The following FSD1 variants were observed in gnomAD, a reference collection of about 807,000 sequenced individuals.
FSD1 encodes the protein fibronectin type III and SPRY domain-containing protein 1.
Under a neutral mutation model 58.2 loss-of-function variants are expected in FSD1, and 23 were observed. The observed-to-expected ratio is 0.40, with a 90% confidence interval of 0.28 to 0.56. FSD1 has a LOEUF of 0.56. FSD1 is among the 20% of genes least tolerant of loss of function. The pLI is 0.54. For missense variants in FSD1, 563 were observed against 670.8 expected, an observed-to-expected ratio of 0.84 and a Z score of 1.78; for synonymous variants, 265 against 263.4, an observed-to-expected ratio of 1.01 and a Z score of -0.06.
chr19:4,308,092 T>G, intron 4 of FSD1, 109 bp downstream of exon 4: 1 of 826,798 alleles, frequency 1.2e-6, no homozygotes, highest in Non-Finnish European at 1.9e-6. Flanking sequence ...ATGCGATAGT[T>G]GGCAAAAGTA....
chr19:4,310,431 C>T, intron 5 of FSD1, 44 bp from the exon 6 acceptor site: 1 of 1,604,234 alleles, frequency 6.2e-7, no homozygotes. Flanking sequence ...CACGGATGAC[C>T]AGGCCTGGTC....
intron 7 of FSD1, among the ~76,000 whole-genome samples, chr19:4,314,720 C>G (rs141443204): frequency 6.6e-6 from 1 of 152,326 alleles, no homozygotes; most frequent in Non-Finnish European, 1.5e-5. Flanking sequence ...CTCCTGACCT[C>G]AGGTGATCCG....
intron 8 of FSD1, among the ~76,000 whole-genome samples, chr19:4,317,713 A>C (rs1180840430): frequency 2.0e-5 from 3 of 152,184 alleles, no homozygotes; most frequent in Admixed American, 2.0e-4. Flanking sequence ...AGGGTAGTGC[A>C]ATTGGCTTGA....
chr19:4,310,162 T>C (rs991488762), intron 4 of FSD1, 111 bp from the exon 5 acceptor site: 4 of 1,173,700 alleles, frequency 3.4e-6, no homozygotes, highest in Middle Eastern at 4.4e-4. Context: ...GAGGTGGAGG[T>C]TGCAGTGAGC....
intron 1 of FSD1, among the ~76,000 whole-genome samples, chr19:4,305,407 A>G (rs1971607478): frequency 6.6e-6 from 1 of 151,134 alleles, no homozygotes; most frequent in African/African-American, 2.4e-5. Context: ...TTCCACCGAG[A>G]ACCCTTTCCC....
chr19:4,322,930 T>G, intron 10 of FSD1, 56 bp from the exon 11 acceptor site: 1 of 1,551,850 alleles, frequency 6.4e-7, no homozygotes, highest in Non-Finnish European at 8.7e-7. Flanking sequence ...TGGAAGGGCA[T>G]CTGTGGCCCA....
At chr19:4,322,963 A>AC in intron 10 of FSD1, 23 bp from the exon 11 acceptor site, 1 of 1,596,844 alleles carries the variant, frequency 6.3e-7, no homozygotes, top group East Asian at 2.3e-5. Context: ...TCCCCTGCCC[A>AC]CCCCTCCTGC....
In FSD1 at chr19:4,310,454, C is replaced by G. The variant is rs376561346; in HGVS notation, c.369-21C>G. ...ACCAGGCCTGGTCCCCCACGCAACG[C>G]CTGCCACCTCCTTCCTGCAGAGTGA... On this transcript the variant is annotated intron_variant, in intron 5 of 12. Transcript: ENST00000221856. 7.5e-6 allele frequency: 12 copies of G among 1,607,330 alleles called. No homozygotes were observed. In the African/African-American group the frequency reaches 1.5e-4, roughly 20 times the overall value.
chr19:4,314,367 G>T (rs550117340), intron 7 of FSD1, among the ~76,000 whole-genome samples: 91 of 152,076 alleles, frequency 6.0e-4, no homozygotes, highest in Non-Finnish European at 1.2e-3. Flanking sequence ...TTTGTATTTT[G>T]AAATAATTAT....
At chr19:4,315,241 T>C in intron 7 of FSD1, among the ~76,000 whole-genome samples, 1 of 151,288 alleles carries the variant, frequency 6.6e-6, no homozygotes, top group East Asian at 1.9e-4. Flanking sequence ...TTCTCCTGCC[T>C]CAACCTCCCA....
intron 7 of FSD1, among the ~76,000 whole-genome samples, chr19:4,316,863 G>C (rs1327823856): frequency 2.0e-5 from 3 of 151,900 alleles, no homozygotes; most frequent in African/African-American, 4.8e-5. Flanking sequence ...TGATTCTCCT[G>C]CCTCAGCCTC....
At chr19:4,321,738 G>A (rs1457549776) in intron 10 of FSD1, among the ~76,000 whole-genome samples, 5 of 151,434 alleles carry the variant, frequency 3.3e-5, no homozygotes, top group African/African-American at 7.3e-5. Flanking sequence ...TATCTGGGGG[G>A]AAATAGCTGG....
At position 4,323,517 on chromosome 19, in the gene FSD1, C is replaced by A. The variant is rs1312787859; in HGVS notation, c.1381-16C>A. 1 of 1,532,696 alleles carries A rather than the reference C, an allele frequency of 6.5e-7. No individual in the cohort carries two copies. The highest frequency in any genetic ancestry group is 9.0e-7 in the Non-Finnish European group (1 of 1,107,428). The allele number at this position is 1,532,696 out of a possible 1,614,324, so 94.9% of individuals were successfully genotyped here. ...TTGAAGCTGAGCCCCTCCCCCCTCCCCCCGCTGTCCCTCAGGTATGGTGTG... is the reference window on the plus strand; with the variant it reads ...TTGAAGCTGAGCCCCTCCCCCCTCCACCCGCTGTCCCTCAGGTATGGTGTG... On this transcript the variant is annotated splice_polypyrimidine_tract_variant and intron_variant, in intron 12 of 12. Transcript: ENST00000221856. This position sits in a 1 kb window ranked among gnomAD's most constrained non-coding sequence, Gnocchi z 7.7.
chr19:4,307,460 C>T (rs1223363430), intron 3 of FSD1, among the ~76,000 whole-genome samples: 17 of 152,052 alleles, frequency 1.1e-4, no homozygotes, highest in Admixed American at 1.0e-3. Flanking sequence ...CTCCGCCTCC[C>T]GGGTTCAAGT....
chr19:4,310,442 C>T, intron 5 of FSD1, 33 bp from the exon 6 acceptor site: 19 of 1,605,960 alleles, frequency 1.2e-5, no homozygotes, highest in Non-Finnish European at 1.6e-5. Flanking sequence ...AGGCCTGGTC[C>T]CCCACGCAAC....
chr19:4,314,776 C>T (rs1987575473), intron 7 of FSD1, among the ~76,000 whole-genome samples: 1 of 152,236 alleles, frequency 6.6e-6, no homozygotes, highest in African/African-American at 2.4e-5. Context: ...TGAGCCACCA[C>T]GCCCCGCCAC....
intron 8 of FSD1, among the ~76,000 whole-genome samples, chr19:4,317,715 T>C (rs1971770048): frequency 6.6e-6 from 1 of 152,112 alleles, no homozygotes; most frequent in Admixed American, 6.6e-5. Context: ...GGTAGTGCAA[T>C]TGGCTTGAAA....
rs776056358 is a variant in FSD1, at chr19:4,306,213, G to T, written c.127G>T (p.Val43Leu). The change falls in exon 3 of 13, where the codon GTG (valine) becomes TTG (leucine). Residue 43 changes from valine to leucine, a missense_variant. Physicochemically the swap from Val to Leu is conservative, Grantham distance 32 (BLOSUM62 1). Transcript: ENST00000221856. ...LLNVEANSAKVQEDLEAEFQS... is the reference protein window; with the variant it reads ...LLNVEANSAKLQEDLEAEFQS... Reference sequence around the variant, plus strand: ...TCCGACCCAGGCGAACTCGGCGAAGGTGCAGGAGGACCTCGAAGCAGAGTT... The same window carrying T: ...TCCGACCCAGGCGAACTCGGCGAAGTTGCAGGAGGACCTCGAAGCAGAGTT... 6.2e-7 allele frequency: 1 copy of T among 1,614,048 alleles called. No individual in the cohort carries two copies. Among genetic ancestry groups the T allele is most frequent in the East Asian group, 2.2e-5 (1 of 44,872 alleles).
chr19:4,317,360 C>G (rs759351063), intron 8 of FSD1, 80 bp downstream of exon 8: 3 of 912,590 alleles, frequency 3.3e-6, no homozygotes, highest in African/African-American at 3.3e-5. Context: ...TGAGAATCCT[C>G]GAAGCAGGGT....
Sources: gnomAD v4.1 joint callset for allele counts (sites outside exome capture counted in the v4.1 genomes callset) on GRCh38, gnomAD v4.1.1 for gene constraint, Gnocchi (gnomAD v3.1) non-coding constraint, MANE v1.5 for transcripts, NCBI Gene and HGNC (gene_info 2026-07-23, HGNC 2026-07-21) for gene names.